PDGFC: variants seen among roughly 807,000 people sequenced by gnomAD.
PDGFC encodes platelet-derived growth factor C.
Under a neutral mutation model 35.5 loss-of-function variants are expected in PDGFC, and 12 were observed. The ratio of observed to expected loss-of-function variants is 0.34; its 90% CI spans 0.22 to 0.55. PDGFC has a LOEUF of 0.55. PDGFC is among the 20% of genes least tolerant of loss of function. The pLI is 0.91. For synonymous variants in PDGFC, 159 were observed against 148.8 expected, an observed-to-expected ratio of 1.07 and a Z score of -0.50; for missense variants, 322 against 412.4, an observed-to-expected ratio of 0.78 and a Z score of 1.90.
chr4:156,923,522 C>T (rs370477159), intron 1 of PDGFC, among the ~76,000 whole-genome samples: 2 of 152,034 alleles, frequency 1.3e-5, no homozygotes, highest in African/African-American at 4.8e-5. Flanking sequence ...TTGTAGAAGG[C>T]GATTAATTTG....
At chr4:156,945,779 T>C (rs1731933268) in intron 1 of PDGFC, among the ~76,000 whole-genome samples, 1 of 151,960 alleles carries the variant, frequency 6.6e-6, no homozygotes, top group Non-Finnish European at 1.5e-5. Flanking sequence ...TTAGTTTCAA[T>C]TCTCTCTGAA....
In PDGFC at chr4:156,762,761, C is replaced by T. The variant is rs567247597; in HGVS notation, c.*329G>A. The T allele has an allele frequency of 3.6e-5, 7 of 195,278 alleles. No homozygotes were observed. Among genetic ancestry groups the T allele is most frequent in the East Asian group, 1.1e-4 (1 of 8,884 alleles). The allele number at this position is 195,278 out of a possible 1,614,324, so 12.1% of individuals were successfully genotyped here. Reference sequence around the variant, plus strand: ...GTACTGACATTACCCTAAGCCGTATCGAAAGAACTGAAATACAGAACCCAG... The same window carrying T: ...GTACTGACATTACCCTAAGCCGTATTGAAAGAACTGAAATACAGAACCCAG... On this transcript the variant is annotated 3_prime_UTR_variant, in exon 6 of 6. Transcript: ENST00000502773.
intron 3 of PDGFC, among the ~76,000 whole-genome samples, chr4:156,797,854 T>C (rs1446357000): frequency 6.6e-6 from 1 of 152,102 alleles, no homozygotes; most frequent in African/African-American, 2.4e-5. Flanking sequence ...CTAGTTAGGT[T>C]ACAGTTCATT....
chr4:156,881,295 G>T (rs1429784640), intron 1 of PDGFC, among the ~76,000 whole-genome samples: 1 of 152,080 alleles, frequency 6.6e-6, no homozygotes, highest in Non-Finnish European at 1.5e-5. Context: ...TTTTACTTAA[G>T]GTATGTACAT....
chr4:156,911,708 C>G (rs896044610), intron 1 of PDGFC, among the ~76,000 whole-genome samples: 1 of 152,098 alleles, frequency 6.6e-6, no homozygotes, highest in Admixed American at 6.5e-5. Flanking sequence ...AGAGATAAGA[C>G]ATAAACCCAT....
intron 2 of PDGFC, among the ~76,000 whole-genome samples, chr4:156,839,317 A>C (rs1579047045): frequency 6.6e-6 from 1 of 152,154 alleles, no homozygotes; most frequent in African/African-American, 2.4e-5. Flanking sequence ...TGTTCTTGTG[A>C]TAGTGAGTTC....
Position 156,970,955 on chromosome 4 carries a change from A to T in PDGFC, c.-52T>A. On this transcript the variant is annotated 5_prime_UTR_variant, in exon 1 of 6. Transcript: ENST00000502773. Reference sequence around the variant, plus strand: ...CACGGCGGGCACTTTGGAAGCAGCGACTCCCGAGTCTCTTTCACCACCGCC... The same window carrying T: ...CACGGCGGGCACTTTGGAAGCAGCGTCTCCCGAGTCTCTTTCACCACCGCC... The T allele has an allele frequency of 8.5e-7, 1 of 1,177,274 alleles. No homozygotes were observed. Among genetic ancestry groups the T allele is most frequent in the East Asian group, 2.4e-5 (1 of 42,316 alleles). 72.9% of individuals were successfully genotyped at this position (1,177,274 alleles called of 1,614,324 possible). A position where few individuals can be genotyped will look rare whatever the true frequency, so the allele number is the denominator to read the frequency against.
intron 1 of PDGFC, among the ~76,000 whole-genome samples, chr4:156,855,425 G>A (rs28733748): frequency 0.11 from 17,050 of 152,142 alleles, 1,153 homozygotes; most frequent in African/African-American, 0.19. Flanking sequence ...AAATTAGGTA[G>A]AAAGAAGTAG....
Position 156,902,966 on chromosome 4 carries a change from C to G in PDGFC, c.119-52550G>C, listed in dbSNP as rs577545936. 3.9e-5 allele frequency among the ~76,000 whole-genome samples: 6 copies of G among 151,994 alleles called. No homozygotes were observed. The South Asian group carries it at 1.2e-3, about 32-fold the overall frequency. On this transcript the variant is annotated intron_variant, in intron 1 of 5. Transcript: ENST00000502773. ...AATAAAATATCTAGCTTCTGAAAAT[C>G]GATTGATAGAGCCGCTACTAAGTTT... is the stretch of plus-strand genomic sequence containing the variant.
At chr4:156,796,467 G>A (rs921432447) in intron 3 of PDGFC, among the ~76,000 whole-genome samples, 25 of 149,664 alleles carry the variant, frequency 1.7e-4, no homozygotes, top group Admixed American at 5.3e-4. Context: ...AAAATTAGGC[G>A]GACAGTATAC....
At chr4:156,801,386 C>G (rs1443382396) in intron 3 of PDGFC, among the ~76,000 whole-genome samples, 1 of 152,126 alleles carries the variant, frequency 6.6e-6, no homozygotes, top group African/African-American at 2.4e-5. Flanking sequence ...ATTGCAATTC[C>G]CCTGTCTTGA....
chr4:156,801,660 A>T (rs996709631), intron 3 of PDGFC, among the ~76,000 whole-genome samples: 5 of 152,236 alleles, frequency 3.3e-5, no homozygotes, highest in African/African-American at 1.2e-4. Flanking sequence ...TATTAATCAA[A>T]TATAAAGTCA....
intron 1 of PDGFC, among the ~76,000 whole-genome samples, chr4:156,880,723 AGTGGAAGATGTG>A (rs1336130690): frequency 6.6e-6 from 1 of 152,216 alleles, no homozygotes; most frequent in Non-Finnish European, 1.5e-5. Context: ...TCAACAGTGC[AGTGGAAGATGTG>A]GTGGAAATAA....
intron 2 of PDGFC, among the ~76,000 whole-genome samples, chr4:156,845,655 G>A (rs1039730199): frequency 1.2e-4 from 18 of 151,878 alleles, no homozygotes; most frequent in Non-Finnish European, 2.4e-4. Flanking sequence ...TACTGTGGAA[G>A]AGGCCAATTT....
intron 3 of PDGFC, among the ~76,000 whole-genome samples, chr4:156,775,972 G>A (rs909582730): frequency 6.6e-6 from 1 of 152,078 alleles, no homozygotes; most frequent in African/African-American, 2.4e-5. Context: ...AACAGGGGAA[G>A]TGGTGCTTCT....
intron 1 of PDGFC, among the ~76,000 whole-genome samples, chr4:156,888,157 C>G (rs1560858155): frequency 6.6e-6 from 1 of 152,098 alleles, no homozygotes; most frequent in South Asian, 2.1e-4. Context: ...AACCGTAGTA[C>G]TTGTTTTTAC....
chr4:156,768,054 A>T lies in PDGFC; in HGVS notation c.704-64T>A. The T allele has an allele frequency of 7.6e-6, 7 of 922,848 alleles. No individual in the cohort carries two copies. In the South Asian group the frequency reaches 8.3e-5, roughly 11 times the overall value. 57.2% of individuals were successfully genotyped at this position (922,848 alleles called of 1,614,324 possible). ...GATGCTTTGAGCCTGAATGTATTTC[A>T]TTAAGCTCTTTTCATAAAGAAATCT... On this transcript the variant is annotated intron_variant, in intron 4 of 5. Transcript: ENST00000502773.
At chr4:156,774,485 A>G (rs1730769925) in intron 3 of PDGFC, 1 of 152,202 alleles carries the variant, frequency 6.6e-6, no homozygotes, top group Non-Finnish European at 1.5e-5. Flanking sequence ...CTTGAAGAGC[A>G]GAAGCTGCCC....
Position 156,907,760 on chromosome 4 carries a change from C to A in PDGFC, c.119-57344G>T, listed in dbSNP as rs1466910505. Among the ~76,000 whole-genome samples the A allele has an allele frequency of 5.3e-5, 8 of 152,256 alleles. No individual in the cohort carries two copies. In the East Asian group the frequency reaches 1.5e-3, roughly 29 times the overall value. ...TCACCTGGGATGAAGTGGCCCTAAC[C>A]TCTTGGATTGAGCCTCCATGCTGGC... On this transcript the variant is annotated intron_variant, in intron 1 of 5. Transcript: ENST00000502773.
Sources: gnomAD v4.1 joint callset for allele counts (sites outside exome capture counted in the v4.1 genomes callset) on GRCh38, gnomAD v4.1.1 for gene constraint, MANE v1.5 for transcripts, NCBI Gene and HGNC (gene_info 2026-07-23, HGNC 2026-07-21) for gene names.